The following LMBR1 variants were observed in gnomAD, a reference collection of about 807,000 sequenced individuals.
LMBR1 encodes limb region 1 protein homolog.
LMBR1 carries 52 observed loss-of-function variants against 73.9 expected under a neutral mutation model. The observed-to-expected ratio is 0.70, with a 90% CI of 0.56 to 0.89. The LOEUF (loss-of-function observed/expected upper bound fraction) is 0.89. Among genes scored for constraint, LMBR1 ranks in the 40% least tolerant of loss-of-function variants. The pLI is 0.00. For missense variants in LMBR1, 539 were observed against 579.8 expected, an observed-to-expected ratio of 0.93 and a Z score of 0.72; for synonymous variants, 215 against 209.4, an observed-to-expected ratio of 1.03 and a Z score of -0.23.
At chr7:156,749,123 G>A (rs1820375220) in intron 9 of LMBR1, among the ~76,000 whole-genome samples, 1 of 152,148 alleles carries the variant, frequency 6.6e-6, no homozygotes, top group Non-Finnish European at 1.5e-5. Flanking sequence ...GTGGCCCAGA[G>A]TCTGATAAAT....
At chr7:156,674,346 A>G (rs1166509355), downstream of LMBR1, among the ~76,000 whole-genome samples, 2 of 152,192 alleles carry the variant, frequency 1.3e-5, no homozygotes, top group Non-Finnish European at 2.9e-5. Flanking sequence ...GGCATGGGGG[A>G]ATGGGAAATG....
rs201892122 is a variant in LMBR1 at position 156,880,767 on chromosome 7, C to T, written c.66+12161G>A. Among the ~76,000 whole-genome samples the T allele has an allele frequency of 4.2e-4, 64 of 152,244 alleles. No homozygotes were observed. The East Asian group carries it at 9.9e-3, about 24-fold the overall frequency. On this transcript the variant is annotated intron_variant, in intron 1 of 16. Coordinates refer to ENST00000353442, the MANE Select transcript of LMBR1 (RefSeq NM_022458.4). Reference sequence around the variant, plus strand: ...TCCTGGGTTCAAGTGATTCTCCTGCCTCAGCCTCCCGAGTAGCTGGGATTA... The same window carrying T: ...TCCTGGGTTCAAGTGATTCTCCTGCTTCAGCCTCCCGAGTAGCTGGGATTA...
intron 4 of LMBR1, among the ~76,000 whole-genome samples, chr7:156,812,865 C>A (rs1434688527): frequency 6.6e-6 from 1 of 152,182 alleles, no homozygotes; most frequent in Non-Finnish European, 1.5e-5. Context: ...GGTTCTCAAC[C>A]CAGAACACTG....
chr7:156,741,844 A>C (rs1043089870), intron 9 of LMBR1, among the ~76,000 whole-genome samples: 1 of 152,156 alleles, frequency 6.6e-6, no homozygotes, highest in African/African-American at 2.4e-5. Flanking sequence ...TATCAGAATA[A>C]ACATCCTTCT....
chr7:156,840,622 G>C (rs1017244475), intron 1 of LMBR1, among the ~76,000 whole-genome samples: 1 of 151,946 alleles, frequency 6.6e-6, no homozygotes, highest in Non-Finnish European at 1.5e-5. Flanking sequence ...GAGGGTGATA[G>C]GATCTGACAC....
intron 15 of LMBR1, among the ~76,000 whole-genome samples, chr7:156,701,445 C>T (rs373628018): frequency 4.2e-4 from 64 of 152,218 alleles, no homozygotes; most frequent in African/African-American, 1.5e-3. Context: ...GTAAATGGTA[C>T]ATATTGTATG....
chr7:156,686,867 G>A (rs894188972), intron 16 of LMBR1, among the ~76,000 whole-genome samples: 1 of 152,190 alleles, frequency 6.6e-6, no homozygotes. Flanking sequence ...TGATAAAAAG[G>A]ACTGTTTGAT....
At chr7:156,723,697 G>C (rs1220737482) in intron 15 of LMBR1, among the ~76,000 whole-genome samples, 1 of 152,042 alleles carries the variant, frequency 6.6e-6, no homozygotes, top group Non-Finnish European at 1.5e-5. Context: ...CCTCTATTTT[G>C]TGGACACAAA....
At chr7:156,786,846 C>T (rs2133260030) in intron 5 of LMBR1, among the ~76,000 whole-genome samples, 1 of 152,218 alleles carries the variant, frequency 6.6e-6, no homozygotes, top group South Asian at 2.1e-4. Context: ...AATCAACTTT[C>T]TAAAACCAGC....
rs572215711 is a variant in LMBR1 at position 156,777,011 on chromosome 7, A to T, written c.424-13216T>A. ...CAGTGGCACGATCTCGGCTCACCGC[A>T]AGCTCCGCTTCCTGGGTTCACGCCA... On this transcript the variant is annotated intron_variant, in intron 5 of 16. Transcript: ENST00000353442. 8.0e-5 allele frequency among the ~76,000 whole-genome samples: 12 copies of T among 150,612 alleles called. No individual in the cohort carries two copies. The South Asian group carries it at 2.3e-3, about 29-fold the overall frequency.
intron 15 of LMBR1, among the ~76,000 whole-genome samples, chr7:156,711,407 T>C (rs764316076): frequency 6.6e-6 from 1 of 152,102 alleles, no homozygotes; most frequent in Non-Finnish European, 1.5e-5. Flanking sequence ...AGTATTAATA[T>C]TGTTAAAATG....
chr7:156,757,705 T>C (rs995069520), intron 8 of LMBR1, among the ~76,000 whole-genome samples: 1 of 152,206 alleles, frequency 6.6e-6, no homozygotes, highest in African/African-American at 2.4e-5. Context: ...AGAAACCATA[T>C]ATACATCTCC....
chr7:156,831,961 C>T (rs567090554), intron 3 of LMBR1, among the ~76,000 whole-genome samples: 1 of 152,224 alleles, frequency 6.6e-6, no homozygotes, highest in East Asian at 1.9e-4. Flanking sequence ...GTCTCTTATT[C>T]GTTGTAGCTT....
intron 4 of LMBR1, among the ~76,000 whole-genome samples, chr7:156,807,076 A>T (rs6979079): frequency 0.46 from 69,739 of 151,836 alleles, 16,200 homozygotes; most frequent in East Asian, 0.61. Flanking sequence ...ATGGATTGGC[A>T]TTGCAAAAGT....
intron 1 of LMBR1, among the ~76,000 whole-genome samples, chr7:156,860,994 C>T (rs1269674686): frequency 1.3e-5 from 2 of 152,186 alleles, no homozygotes; most frequent in African/African-American, 2.4e-5. Flanking sequence ...TGTCAGTGGA[C>T]GTACCATTCT....
intron 10 of LMBR1, among the ~76,000 whole-genome samples, chr7:156,730,541 T>C (rs917909381): frequency 5.3e-5 from 8 of 152,222 alleles, no homozygotes; most frequent in African/African-American, 9.7e-5. Context: ...CGTAACTGTC[T>C]ACCAGAAGCA....
intron 1 of LMBR1, among the ~76,000 whole-genome samples, chr7:156,856,935 A>G (rs11768935): frequency 0.1 from 15,194 of 152,190 alleles, 865 homozygotes; most frequent in African/African-American, 0.13. Context: ...AAGCAATACA[A>G]TGTTATGTGA....
intron 15 of LMBR1, among the ~76,000 whole-genome samples, chr7:156,696,126 G>A (rs1348854651): frequency 1.3e-5 from 2 of 152,176 alleles, no homozygotes; most frequent in African/African-American, 2.4e-5. Context: ...AAACATAGAG[G>A]ACAGTCTTTG....
chr7:156,867,975 C>T (rs1462183928), intron 1 of LMBR1, among the ~76,000 whole-genome samples: 2 of 152,010 alleles, frequency 1.3e-5, no homozygotes, highest in African/African-American at 4.8e-5. Context: ...GGCTGGGTGC[C>T]ATGGCTCATT....
Sources: allele counts gnomAD v4.1 joint callset (sites outside exome capture counted in the v4.1 genomes callset), GRCh38; gene constraint gnomAD v4.1.1; transcripts MANE v1.5; gene names NCBI Gene and HGNC (gene_info 2026-07-23, HGNC 2026-07-21).